LIMD1: variants seen among roughly 807,000 people sequenced by gnomAD.
LIMD1 encodes the protein LIM domain containing 1, also known as LIM domain-containing protein 1.
LIMD1 carries 23 observed loss-of-function variants against 58.4 expected under a neutral mutation model. That is an observed-to-expected ratio of 0.39 (90% confidence interval 0.28 to 0.56). The LOEUF is 0.56. LIMD1 is among the 20% of genes least tolerant of loss of function. The pLI is 0.57. For missense variants in LIMD1, 838 were observed against 855.5 expected (o/e 0.98, Z 0.25); for synonymous variants, 334 against 345.5 (o/e 0.97, Z 0.37).
intron 1 of LIMD1, among the ~76,000 whole-genome samples, chr3:45,621,339 C>A (rs914113007): frequency 6.6e-6 from 1 of 152,198 alleles, no homozygotes; most frequent in Non-Finnish European, 1.5e-5. Context: ...GAACAATCCT[C>A]CCACTTCAGC....
intron 2 of LIMD1, among the ~76,000 whole-genome samples, chr3:45,646,653 C>G (rs961423455): frequency 1.3e-5 from 2 of 150,404 alleles, no homozygotes; most frequent in African/African-American, 2.4e-5. Context: ...CTTGTGGCTA[C>G]TGTATTGGAC....
intron 1 of LIMD1, among the ~76,000 whole-genome samples, chr3:45,635,685 C>G (rs192600208): frequency 1.9e-3 from 243 of 129,860 alleles, no homozygotes; most frequent in African/African-American, 6.6e-3. Flanking sequence ...ATTGCTTGAG[C>G]CTAGGAGTTC....
chr3:45,621,326 C>T (rs1028022043), intron 1 of LIMD1, among the ~76,000 whole-genome samples: 1 of 152,120 alleles, frequency 6.6e-6, no homozygotes, highest in Non-Finnish European at 1.5e-5. Context: ...AACTCCCAGG[C>T]TCGAACAATC....
chr3:45,617,913 GC>G (rs1701590150), intron 1 of LIMD1, among the ~76,000 whole-genome samples: 1 of 152,200 alleles, frequency 6.6e-6, no homozygotes, highest in Admixed American at 6.5e-5. Flanking sequence ...CTCTGGTATA[GC>G]CTTCCTCCTC....
intron 3 of LIMD1, among the ~76,000 whole-genome samples, chr3:45,667,850 G>T (rs565153443): frequency 6.6e-6 from 1 of 152,142 alleles, no homozygotes; most frequent in African/African-American, 2.4e-5. Flanking sequence ...TAGAGTGATG[G>T]TTTCAGAATC....
chr3:45,614,996 A>G (rs957220957), intron 1 of LIMD1, among the ~76,000 whole-genome samples: 1 of 152,158 alleles, frequency 6.6e-6, no homozygotes, highest in Admixed American at 6.6e-5. Flanking sequence ...AGTTGGGCCA[A>G]TAGAGGATGT....
chr3:45,615,193 A>G (rs1337855205), intron 1 of LIMD1, among the ~76,000 whole-genome samples: 1 of 152,212 alleles, frequency 6.6e-6, no homozygotes, highest in Non-Finnish European at 1.5e-5. Context: ...TTGAACAAAG[A>G]GAGGCATTTG....
Position 45,679,145 on chromosome 3 carries a change from G to T in LIMD1, c.*2086G>T, listed in dbSNP as rs1697706882. On this transcript the variant is annotated 3_prime_UTR_variant, in exon 8 of 8. Transcript: ENST00000273317. ...GACCAGAAGTAGCTGGGATTTGTTTGCAAATTGGGTAATTAGTTTAAAAAT... is the reference window on the plus strand; with the variant it reads ...GACCAGAAGTAGCTGGGATTTGTTTTCAAATTGGGTAATTAGTTTAAAAAT... 6.6e-6 allele frequency: 1 copy of T among 152,174 alleles called. No individual in the cohort carries two copies. Among genetic ancestry groups the T allele is most frequent in the South Asian group, 2.1e-4 (1 of 4,832 alleles). The allele number at this position is 152,174 out of a possible 1,614,324, so 9.4% of individuals were successfully genotyped here. A position where few individuals can be genotyped will look rare whatever the true frequency, so the allele number is the denominator to read the frequency against.
chr3:45,624,529 AC>A (rs1272049804), intron 1 of LIMD1, among the ~76,000 whole-genome samples: 1 of 151,970 alleles, frequency 6.6e-6, no homozygotes, highest in Non-Finnish European at 1.5e-5. Flanking sequence ...AAACAGTGAA[AC>A]CCCATCTCTA....
intron 2 of LIMD1, among the ~76,000 whole-genome samples, chr3:45,657,706 G>A (rs1049490440): frequency 6.6e-6 from 1 of 152,088 alleles, no homozygotes; most frequent in Non-Finnish European, 1.5e-5. Flanking sequence ...TTCCCATCCT[G>A]CCCACTTACT....
intron 2 of LIMD1, among the ~76,000 whole-genome samples, chr3:45,653,907 C>CA (rs35185922): frequency 0.48 from 36,183 of 74,752 alleles, 8,024 homozygotes; most frequent in East Asian, 0.72. Context: ...AAGACTGTCT[C>CA]AAAAAAAAAA....
At chr3:45,604,768 C>A (rs929729494) in intron 1 of LIMD1, among the ~76,000 whole-genome samples, 1 of 152,150 alleles carries the variant, frequency 6.6e-6, no homozygotes, top group South Asian at 2.1e-4. Context: ...TGGCGCGTCC[C>A]GACATGGATT....
chr3:45,598,180 C>T (rs1275594505), intron 1 of LIMD1, among the ~76,000 whole-genome samples: 1 of 152,060 alleles, frequency 6.6e-6, no homozygotes, highest in Non-Finnish European at 1.5e-5. Flanking sequence ...GGCTGTTCTT[C>T]TGGGCTCAAG....
chr3:45,594,791 A>ACACACACACACACACACACAC lies in LIMD1; in HGVS notation c.-88_-68dup. The ACACACACACACACACACACAC allele has an allele frequency of 1.2e-5, 1 of 86,044 alleles. No homozygotes were observed. The highest frequency in any genetic ancestry group is 1.9e-5 in the Non-Finnish European group (1 of 51,974). 5.3% of individuals were successfully genotyped at this position (86,044 alleles called of 1,614,324 possible). A position where few individuals can be genotyped will look rare whatever the true frequency, so the allele number is the denominator to read the frequency against. ...CCCGCTGCCCTCAACACACACACAC[A>ACACACACACACACACACACAC]CACACACACACACACACACACACAC... is the stretch of plus-strand genomic sequence containing the variant. On this transcript the variant is annotated 5_prime_UTR_variant, in exon 1 of 8. Transcript: ENST00000273317.
In LIMD1 at chr3:45,643,255, C is replaced by T. The variant is rs1236976095; in HGVS notation, c.1510+7004C>T. On this transcript the variant is annotated intron_variant, in intron 2 of 7. Transcript: ENST00000273317. ...ATCCCAGCACTTTGGGAGGTTGAGGCGGGTAGATCACTTGAGGTCACGAGT... is the reference window on the plus strand; with the variant it reads ...ATCCCAGCACTTTGGGAGGTTGAGGTGGGTAGATCACTTGAGGTCACGAGT... Among the ~76,000 whole-genome samples the T allele has an allele frequency of 5.3e-5, 8 of 152,124 alleles. No homozygotes were observed. The East Asian group carries it at 1.2e-3, about 22-fold the overall frequency.
chr3:45,654,984 A>G (rs1031037484), intron 2 of LIMD1, among the ~76,000 whole-genome samples: 1 of 150,482 alleles, frequency 6.6e-6, no homozygotes, highest in African/African-American at 2.4e-5. Flanking sequence ...CAATGGTGCA[A>G]TCTCAGCTCA....
At chr3:45,665,747 A>G (rs1450712199) in intron 3 of LIMD1, 30 bp downstream of exon 3, 3 of 1,604,724 alleles carry the variant, frequency 1.9e-6, no homozygotes, top group East Asian at 4.5e-5. Context: ...CTCCCCTTGC[A>G]TGTCCTGGCC....
At chr3:45,651,173 T>C (rs1245047906) in intron 2 of LIMD1, among the ~76,000 whole-genome samples, 1 of 152,218 alleles carries the variant, frequency 6.6e-6, no homozygotes, top group Non-Finnish European at 1.5e-5. Flanking sequence ...TGCACACTTT[T>C]TGATGGGGTT....
chr3:45,599,662 G>A (rs1205030907), intron 1 of LIMD1, among the ~76,000 whole-genome samples: 1 of 152,190 alleles, frequency 6.6e-6, no homozygotes, highest in African/African-American at 2.4e-5. Flanking sequence ...GGTCACCTAA[G>A]GTCACCTAAG....
Sources: allele counts gnomAD v4.1 joint callset (sites outside exome capture counted in the v4.1 genomes callset), GRCh38; gene constraint gnomAD v4.1.1; transcripts MANE v1.5; gene names NCBI Gene and HGNC (gene_info 2026-07-23, HGNC 2026-07-21).